Variants in NCKAP5 observed in about 807,000 individuals in gnomAD.
The protein encoded by NCKAP5 is nck-associated protein 5.
A neutral mutation model predicts 167.0 loss-of-function variants in NCKAP5; 92 were observed. The ratio of observed to expected loss-of-function variants is 0.55; its 90% CI spans 0.47 to 0.66. NCKAP5 has a LOEUF of 0.66. Among genes scored for constraint, NCKAP5 ranks in the 30% least tolerant of loss-of-function variants. The probability of loss-of-function intolerance (pLI) is 0.00; values close to 1 mark genes in which losing one functional copy is unlikely to be tolerated. For synonymous variants in NCKAP5, 891 were observed against 877.4 expected (o/e 1.02, Z -0.27); for missense variants, 2,378 against 2,315.0 (o/e 1.03, Z -0.56).
chr2:132,965,088 G>T (rs1342025335), intron 7 of NCKAP5, among the ~76,000 whole-genome samples: 2 of 152,150 alleles, frequency 1.3e-5, no homozygotes, highest in East Asian at 3.8e-4. Flanking sequence ...CAAAGTCAGT[G>T]AATTCATCCA....
chr2:133,539,163 G>A lies in NCKAP5; in HGVS notation c.-62+19887C>T, dbSNP rs61600817. On this transcript the variant is annotated intron_variant, in intron 2 of 19. Transcript: ENST00000409261. ...CACCTTGTTAGCTAGGATGGTCTCG[G>A]TCTCCTGACCTCATGATCCACCTGC... Among the ~76,000 whole-genome samples the A allele has an allele frequency of 2.1e-3, 319 of 151,826 alleles. 5 individuals carry two copies. In the East Asian group the frequency reaches 0.053, roughly 25 times the overall value.
chr2:133,657,011 G>A, the NCKAP5 span, among the ~76,000 whole-genome samples: 2 of 151,952 alleles, frequency 1.3e-5, no homozygotes, highest in Non-Finnish European at 2.9e-5. Context: ...ATATCAATGA[G>A]AACATGCGAT....
At chr2:132,833,229 G>C (rs1474884222) in intron 11 of NCKAP5, among the ~76,000 whole-genome samples, 1 of 151,938 alleles carries the variant, frequency 6.6e-6, no homozygotes, top group Non-Finnish European at 1.5e-5. Context: ...TTTCATTGTT[G>C]TTGCTGAATT....
At chr2:132,973,148 C>G (rs2149242985) in intron 7 of NCKAP5, among the ~76,000 whole-genome samples, 1 of 152,290 alleles carries the variant, frequency 6.6e-6, no homozygotes, top group Middle Eastern at 3.4e-3. Flanking sequence ...TCTACACCGT[C>G]ACTGGGGAGT....
the NCKAP5 span, among the ~76,000 whole-genome samples, chr2:133,656,381 T>G: frequency 3.9e-5 from 6 of 152,174 alleles, no homozygotes; most frequent in African/African-American, 1.2e-4. Context: ...GTTACAACAA[T>G]GCCTGACACT....
At chr2:133,214,021 T>A (rs2086322187) in intron 4 of NCKAP5, among the ~76,000 whole-genome samples, 1 of 152,242 alleles carries the variant, frequency 6.6e-6, no homozygotes, top group South Asian at 2.1e-4. Context: ...GGTGAGTAGA[T>A]GCTTTGCTTT....
intron 8 of NCKAP5, among the ~76,000 whole-genome samples, chr2:132,887,058 A>C (rs924611033): frequency 2.0e-5 from 3 of 152,190 alleles, no homozygotes; most frequent in Admixed American, 6.5e-5. Context: ...GGTATCTGTG[A>C]CATTTCTCCA....
At chr2:132,881,136 T>G (rs557248470) in intron 8 of NCKAP5, among the ~76,000 whole-genome samples, 71 of 152,316 alleles carry the variant, frequency 4.7e-4, no homozygotes, top group Non-Finnish European at 8.4e-4. Flanking sequence ...GTCATTGCCA[T>G]TCATCAGGTA....
At chr2:133,421,701 G>T (rs1689489816) in intron 3 of NCKAP5, among the ~76,000 whole-genome samples, 1 of 152,180 alleles carries the variant, frequency 6.6e-6, no homozygotes, top group Non-Finnish European at 1.5e-5. Flanking sequence ...GCCAACCAGT[G>T]ACCTCAGCTG....
intron 3 of NCKAP5, among the ~76,000 whole-genome samples, chr2:133,510,809 T>A (rs1683424517): frequency 6.6e-6 from 1 of 152,334 alleles, no homozygotes; most frequent in Non-Finnish European, 1.5e-5. Context: ...TAAAGTGAAA[T>A]CCCAACTCTA....
At chr2:132,759,821 T>C (rs917372392) in intron 16 of NCKAP5, among the ~76,000 whole-genome samples, 2 of 152,076 alleles carry the variant, frequency 1.3e-5, no homozygotes, top group Non-Finnish European at 2.9e-5. Flanking sequence ...AAATCCTCTA[T>C]GTTCAGATTT....
chr2:132,839,111 T>C (rs1473215019), intron 11 of NCKAP5, among the ~76,000 whole-genome samples: 1 of 152,174 alleles, frequency 6.6e-6, no homozygotes, highest in Non-Finnish European at 1.5e-5. Flanking sequence ...TAGATGTTTG[T>C]CCTCTTAATT....
chr2:133,665,137 G>T, the NCKAP5 span, among the ~76,000 whole-genome samples: 124 of 152,154 alleles, frequency 8.1e-4, 1 homozygote, highest in Middle Eastern at 3.4e-3. Context: ...TTCACTTTTT[G>T]GTGTTATTCA....
chr2:133,085,882 G>T (rs116284991), intron 6 of NCKAP5, among the ~76,000 whole-genome samples: 39 of 152,166 alleles, frequency 2.6e-4, no homozygotes, highest in Admixed American at 5.2e-4. Context: ...GATGAGAAAA[G>T]GTAAAGGAAG....
At chr2:132,744,946 T>C (rs893205979) in intron 16 of NCKAP5, among the ~76,000 whole-genome samples, 1 of 151,848 alleles carries the variant, frequency 6.6e-6, no homozygotes, top group Non-Finnish European at 1.5e-5. Flanking sequence ...TATATCAATT[T>C]AGGCAATTGA....
At chr2:132,928,379 T>C (rs1279401500) in intron 8 of NCKAP5, among the ~76,000 whole-genome samples, 1 of 152,198 alleles carries the variant, frequency 6.6e-6, no homozygotes, top group Non-Finnish European at 1.5e-5. Flanking sequence ...CAATAATTAA[T>C]ATTACTCATT....
chr2:133,184,872 G>A (rs183603481), intron 5 of NCKAP5, among the ~76,000 whole-genome samples: 19 of 152,164 alleles, frequency 1.2e-4, no homozygotes, highest in Admixed American at 6.6e-4. Flanking sequence ...TTAGACCTTC[G>A]TCAGATGCAT....
chr2:133,434,870 A>G (rs1690373354), intron 3 of NCKAP5, among the ~76,000 whole-genome samples: 1 of 152,236 alleles, frequency 6.6e-6, no homozygotes, highest in African/African-American at 2.4e-5. Flanking sequence ...TAACTTTCAG[A>G]AACAATTCCA....
intron 11 of NCKAP5, among the ~76,000 whole-genome samples, chr2:132,804,271 T>C (rs552395787): frequency 6.6e-6 from 1 of 152,244 alleles, no homozygotes; most frequent in African/African-American, 2.4e-5. Context: ...CTTCTGTAAA[T>C]ATGATCTAAG....
Sources: gnomAD v4.1 joint callset for allele counts (sites outside exome capture counted in the v4.1 genomes callset) on GRCh38, gnomAD v4.1.1 for gene constraint, MANE v1.5 for transcripts, NCBI Gene and HGNC (gene_info 2026-07-23, HGNC 2026-07-21) for gene names.